The following GPR39 variants were observed in gnomAD, a reference collection of about 807,000 sequenced individuals.
GPR39 encodes the protein zinc sensing receptor.
In GPR39, 23 loss-of-function variants were observed where a neutral mutation model predicts 18.4. That is an observed-to-expected ratio of 1.25 (90% confidence interval 0.90 to 1.77). The LOEUF is 1.77. Ranked by LOEUF, GPR39 falls within the 40% of genes most tolerant of loss-of-function variation. GPR39 has a pLI of 0.00. For synonymous variants in GPR39, 280 were observed against 257.9 expected (o/e 1.09, Z -0.82); for missense variants, 647 against 602.4 (o/e 1.07, Z -0.78).
At chr2:132,611,939 C>A (rs376918570) in intron 1 of GPR39, among the ~76,000 whole-genome samples, 1 of 152,116 alleles carries the variant, frequency 6.6e-6, no homozygotes, top group African/African-American at 2.4e-5. Context: ...ATGACTGAAA[C>A]GGAGCTTCTC....
intron 1 of GPR39, among the ~76,000 whole-genome samples, chr2:132,551,052 G>A (rs1680033897): frequency 6.6e-6 from 1 of 152,188 alleles, no homozygotes; most frequent in Non-Finnish European, 1.5e-5. Context: ...GCAGAAACCT[G>A]ACCACAGCTG....
intron 1 of GPR39, among the ~76,000 whole-genome samples, chr2:132,535,015 C>T (rs1679726118): frequency 6.6e-6 from 1 of 151,862 alleles, no homozygotes; most frequent in South Asian, 2.1e-4. Context: ...AACATGTCAT[C>T]TGCAAACGGA....
intron 1 of GPR39, among the ~76,000 whole-genome samples, chr2:132,608,151 A>C (rs757157438): frequency 1.4e-4 from 22 of 152,256 alleles, no homozygotes; most frequent in Non-Finnish European, 2.9e-4. Context: ...ACAATGATGC[A>C]TTTGATCAGT....
intron 1 of GPR39, among the ~76,000 whole-genome samples, chr2:132,507,907 T>G (rs1260346234): frequency 2.0e-5 from 3 of 152,170 alleles, no homozygotes; most frequent in Non-Finnish European, 4.4e-5. Flanking sequence ...CCCAGCACAA[T>G]TAACAAAGAA....
chr2:132,506,637 C>T (rs1291319895), intron 1 of GPR39, among the ~76,000 whole-genome samples: 2 of 152,078 alleles, frequency 1.3e-5, no homozygotes, highest in Non-Finnish European at 2.9e-5. Flanking sequence ...GAGTGTTCAG[C>T]GAAGGGGGAA....
At chr2:132,464,342 C>T (rs1365470666) in intron 1 of GPR39, among the ~76,000 whole-genome samples, 6 of 152,172 alleles carry the variant, frequency 3.9e-5, no homozygotes, top group East Asian at 3.8e-4. Flanking sequence ...TAGAGAAGCT[C>T]GTGTGCAGGA....
At chr2:132,479,249 G>A (rs1417741641) in intron 1 of GPR39, among the ~76,000 whole-genome samples, 1 of 152,214 alleles carries the variant, frequency 6.6e-6, no homozygotes, top group East Asian at 1.9e-4. Context: ...TTGTTCCGTA[G>A]TGAGATGAGA....
chr2:132,522,627 G>C (rs935302247), intron 1 of GPR39, among the ~76,000 whole-genome samples: 2 of 152,214 alleles, frequency 1.3e-5, no homozygotes, highest in African/African-American at 2.4e-5. Context: ...GCCCAATATG[G>C]GGGACAGCAA....
chr2:132,529,975 C>T (rs1679583533), intron 1 of GPR39, among the ~76,000 whole-genome samples: 1 of 152,192 alleles, frequency 6.6e-6, no homozygotes, highest in South Asian at 2.1e-4. Context: ...CACAGCTCCT[C>T]ACCAGCAATG....
chr2:132,541,280 C>T (rs536225077), intron 1 of GPR39, among the ~76,000 whole-genome samples: 11 of 152,146 alleles, frequency 7.2e-5, no homozygotes, highest in East Asian at 1.9e-4. Flanking sequence ...GACAGGATTT[C>T]GCCATGTTAG....
intron 1 of GPR39, among the ~76,000 whole-genome samples, chr2:132,546,211 C>T (rs1411372785): frequency 6.6e-6 from 1 of 152,158 alleles, no homozygotes; most frequent in East Asian, 1.9e-4. Flanking sequence ...GCTTGTTCAA[C>T]ACAGATTACG....
chr2:132,619,628 C>T (rs1049091658), intron 1 of GPR39, among the ~76,000 whole-genome samples: 8 of 152,096 alleles, frequency 5.3e-5, no homozygotes, highest in African/African-American at 1.9e-4. Flanking sequence ...AGTCTCTGTC[C>T]CCTGGAACCT....
intron 1 of GPR39, among the ~76,000 whole-genome samples, chr2:132,609,275 G>T (rs2104848409): frequency 6.6e-6 from 1 of 152,296 alleles, no homozygotes; most frequent in South Asian, 2.1e-4. Flanking sequence ...TTCTTGTCAG[G>T]CCAGGTGCTT....
At chr2:132,424,808 T>C (rs569866344) in intron 1 of GPR39, among the ~76,000 whole-genome samples, 189 of 152,286 alleles carry the variant, frequency 1.2e-3, no homozygotes, top group African/African-American at 4.0e-3. Context: ...CAACCCTTCA[T>C]TGGAACACAG....
At chr2:132,632,857 G>T (rs1204626774) in intron 1 of GPR39, among the ~76,000 whole-genome samples, 1 of 152,160 alleles carries the variant, frequency 6.6e-6, no homozygotes, top group Admixed American at 6.5e-5. Context: ...AGCTGCCATT[G>T]ATCACTGCTG....
chr2:132,433,612 A>G (rs10173005), intron 1 of GPR39: 32,357 of 151,132 alleles, frequency 0.21, 3,607 homozygotes, highest in African/African-American at 0.26. Flanking sequence ...GACATGTACT[A>G]TACATTGAAG....
chr2:132,645,005 A>T, intron 1 of GPR39, 96 bp from the exon 2 acceptor site: 3 of 1,406,302 alleles, frequency 2.1e-6, no homozygotes, highest in Non-Finnish European at 2.9e-6. Flanking sequence ...AGCACAGAAC[A>T]GAGGGGCTAA....
intron 1 of GPR39, among the ~76,000 whole-genome samples, chr2:132,630,414 C>T (rs1043904125): frequency 6.6e-6 from 1 of 152,038 alleles, no homozygotes; most frequent in African/African-American, 2.4e-5. Flanking sequence ...GCATCAGGAA[C>T]CAAGAGAGGG....
At chr2:132,454,832 G>C (rs541786130) in intron 1 of GPR39, among the ~76,000 whole-genome samples, 4 of 152,110 alleles carry the variant, frequency 2.6e-5, no homozygotes, top group South Asian at 2.1e-4. Context: ...GGATGAAGCC[G>C]ACTTGATCAT....
Sources: gnomAD v4.1 joint callset for allele counts (sites outside exome capture counted in the v4.1 genomes callset) on GRCh38, gnomAD v4.1.1 for gene constraint, MANE v1.5 for transcripts, NCBI Gene and HGNC (gene_info 2026-07-23, HGNC 2026-07-21) for gene names.